The following HERC4 variants were observed in gnomAD, a reference collection of about 807,000 sequenced individuals.
HERC4 encodes the protein HECT and RLD domain containing E3 ubiquitin protein ligase 4, also known as probable E3 ubiquitin-protein ligase HERC4.
A neutral mutation model predicts 124.3 loss-of-function variants in HERC4; 28 were observed. That is an observed-to-expected ratio of 0.23 (90% CI 0.17 to 0.31). HERC4 has a LOEUF of 0.31. HERC4 is among the 10% of genes least tolerant of loss of function. The probability of loss-of-function intolerance (pLI) is 1.00; values close to 1 mark genes in which losing one functional copy is unlikely to be tolerated. For missense variants in HERC4, 713 were observed against 1,229.3 expected, an observed-to-expected ratio of 0.58 and a Z score of 6.28; for synonymous variants, 407 against 421.5, an observed-to-expected ratio of 0.97 and a Z score of 0.42.
intron 3 of HERC4, among the ~76,000 whole-genome samples, chr10:68,047,525 A>G (rs1278851370): frequency 6.6e-6 from 1 of 152,262 alleles, no homozygotes; most frequent in Non-Finnish European, 1.5e-5. Flanking sequence ...AAACTCAACA[A>G]TAAGAAAACG....
chr10:67,948,522 C>T (rs958927522), intron 19 of HERC4, among the ~76,000 whole-genome samples: 23 of 152,058 alleles, frequency 1.5e-4, no homozygotes, highest in African/African-American at 4.6e-4. Context: ...AATAAAAAAA[C>T]AGTAGATGTT....
chr10:67,955,201 C>T (rs140802600), intron 17 of HERC4, 71 bp from the exon 18 acceptor site: 2 of 1,333,910 alleles, frequency 1.5e-6, no homozygotes, highest in East Asian at 5.2e-5. Flanking sequence ...ACAAGCTAAC[C>T]TCTACCTATT....
chr10:68,024,836 T>TCTA (rs1444645299), intron 8 of HERC4, among the ~76,000 whole-genome samples: 1 of 152,210 alleles, frequency 6.6e-6, no homozygotes, highest in Non-Finnish European at 1.5e-5. Context: ...CAAAGACTCT[T>TCTA]CTATTTATTC....
intron 8 of HERC4, among the ~76,000 whole-genome samples, chr10:68,025,286 TG>T (rs1348361106): frequency 6.6e-6 from 1 of 152,034 alleles, no homozygotes; most frequent in African/African-American, 2.4e-5. Flanking sequence ...GCCTTTCGAG[TG>T]TGATATCAAC....
At chr10:68,069,670 T>C (rs2041471379) in intron 3 of HERC4, 1 of 984,828 alleles carries the variant, frequency 1.0e-6, no homozygotes, top group Non-Finnish European at 1.2e-6. Context: ...GGAATATGTA[T>C]ATTTATAAAG....
chr10:68,039,886 T>C (rs974199491), intron 4 of HERC4: 1 of 994,182 alleles, frequency 1.0e-6, no homozygotes, highest in African/African-American at 1.7e-5. Context: ...AAGTACAATT[T>C]TGCAAATGAA....
Position 67,932,739 on chromosome 10 carries a change from T to G in HERC4, c.2696A>C (p.Lys899Thr), listed in dbSNP as rs1225590339. 3 of 1,604,918 alleles carry G rather than the reference T, an allele frequency of 1.9e-6. No individual in the cohort carries two copies. Among genetic ancestry groups the G allele is most frequent in the Non-Finnish European group, 2.5e-6 (3 of 1,178,116 alleles). The change falls in exon 23 of 25, where the codon AAA becomes ACA. Residue 899 changes from lysine (K) to threonine (T), a missense_variant. Transcript: ENST00000373700. ...AGCATCAAATAAGGAAGCCACTGAT[T>G]TATTGAATATGTAATCCACATAAGC... ...VDAYVDYIFN[K>T]SVASLFDAFH...
chr10:67,947,911 G>A (rs1284960688), intron 19 of HERC4, among the ~76,000 whole-genome samples: 1 of 137,062 alleles, frequency 7.3e-6, no homozygotes, highest in Non-Finnish European at 1.5e-5. Context: ...GGCTGGTCTC[G>A]AATTCCTGAC....
intron 15 of HERC4, among the ~76,000 whole-genome samples, chr10:67,974,525 C>T (rs915206750): frequency 1.4e-4 from 22 of 152,102 alleles, no homozygotes; most frequent in Non-Finnish European, 4.4e-5. Context: ...CCAGACAATG[C>T]TGGTGTCCAA....
intron 19 of HERC4, among the ~76,000 whole-genome samples, chr10:67,949,379 T>A (rs1274566740): frequency 3.3e-5 from 5 of 152,122 alleles, no homozygotes; most frequent in Non-Finnish European, 7.4e-5. Context: ...TAACACCAAT[T>A]CTCAAACTCT....
At chr10:67,973,187 T>C (rs1315788828) in intron 15 of HERC4, among the ~76,000 whole-genome samples, 2 of 151,270 alleles carry the variant, frequency 1.3e-5, no homozygotes, top group African/African-American at 4.9e-5. Context: ...AAAAGGAAAG[T>C]GAATGGAAAA....
At chr10:67,962,006 A>G (rs1303600065) in intron 16 of HERC4, among the ~76,000 whole-genome samples, 1 of 152,226 alleles carries the variant, frequency 6.6e-6, no homozygotes, top group Admixed American at 6.5e-5. Flanking sequence ...TATAAAAGGA[A>G]CATCTGAAAT....
In HERC4 at chr10:68,059,905, TATA is replaced by T. The variant is rs1242032747; in HGVS notation, c.226+12975_226+12977del. ...TTATATATCATAATATTATATATTA[TATA>T]ATATTATATATCATAATATTATATA... On this transcript the variant is annotated intron_variant, in intron 3 of 24. Coordinates refer to ENST00000373700, the MANE Select transcript of HERC4 (RefSeq NM_015601.4). Among the ~76,000 whole-genome samples, 49 of 46,244 alleles carry T rather than the reference TATA, an allele frequency of 1.1e-3. 3 individuals are homozygous for T. The highest frequency in any genetic ancestry group is 4.2e-3 in the East Asian group (2 of 472). 30.3% of individuals were successfully genotyped at this position (46,244 alleles called of 152,430 possible).
At chr10:67,975,748 T>C (rs533401625) in intron 15 of HERC4, among the ~76,000 whole-genome samples, 1 of 152,356 alleles carries the variant, frequency 6.6e-6, no homozygotes, top group South Asian at 2.1e-4. Flanking sequence ...ACACATTTAA[T>C]AATACTGCTT....
intron 3 of HERC4, among the ~76,000 whole-genome samples, chr10:68,065,706 A>C (rs1204834797): frequency 6.6e-6 from 1 of 152,124 alleles, no homozygotes; most frequent in Non-Finnish European, 1.5e-5. Context: ...TAAAAAATAC[A>C]AAAATATGCT....
intron 7 of HERC4, among the ~76,000 whole-genome samples, chr10:68,032,151 C>T (rs2039241103): frequency 6.6e-6 from 1 of 152,212 alleles, no homozygotes; most frequent in African/African-American, 2.4e-5. Context: ...TTTACATTAA[C>T]ATGACTGCAA....
At chr10:67,990,705 T>G (rs1028415180) in intron 13 of HERC4, among the ~76,000 whole-genome samples, 199 bp downstream of exon 13, 1 of 152,124 alleles carries the variant, frequency 6.6e-6, no homozygotes, top group Non-Finnish European at 1.5e-5. Context: ...GTTAAGTAAT[T>G]CAGGGTCTGC....
At chr10:67,926,821 G>A (rs1237066166) in intron 23 of HERC4, among the ~76,000 whole-genome samples, 2 of 152,166 alleles carry the variant, frequency 1.3e-5, no homozygotes, top group Admixed American at 6.6e-5. Flanking sequence ...TCCTCCTTAC[G>A]CACCATTCAC....
Position 68,073,162 on chromosome 10 carries a change from C to A in HERC4, c.-54G>T, listed in dbSNP as rs2041649289. 1 of 1,478,296 alleles carries A rather than the reference C, an allele frequency of 6.8e-7. No homozygotes were observed. The highest frequency in any genetic ancestry group is 1.9e-5 in the Admixed American group (1 of 52,934). 91.6% of individuals were successfully genotyped at this position (1,478,296 alleles called of 1,614,324 possible). A position where few individuals can be genotyped will look rare whatever the true frequency, so the allele number is the denominator to read the frequency against. ...CAATAAAAAATTCTCTTCTGAAACC[C>A]CGGAAAGTTGGAGGTACCCTATGTC... On this transcript the variant is annotated 5_prime_UTR_variant, in exon 3 of 25. Coordinates refer to ENST00000373700, the MANE Select transcript of HERC4 (RefSeq NM_015601.4).
Sources: allele counts gnomAD v4.1 joint callset (sites outside exome capture counted in the v4.1 genomes callset), GRCh38; gene constraint gnomAD v4.1.1; transcripts MANE v1.5; gene names NCBI Gene and HGNC (gene_info 2026-07-23, HGNC 2026-07-21).